The following MXI1 variants were observed in gnomAD, a reference collection of about 807,000 sequenced individuals.
The protein encoded by MXI1 is MAX interactor 1, dimerization protein.
MXI1 carries 18 observed loss-of-function variants against 36.9 expected under a neutral mutation model. The observed-to-expected ratio is 0.49, with a 90% confidence interval of 0.34 to 0.72. The LOEUF is 0.72. Ranked by LOEUF, MXI1 falls within the 30% of genes least tolerant of loss-of-function variation. MXI1 has a pLI of 0.01. For missense variants in MXI1, 304 were observed against 379.1 expected (o/e 0.80, Z 1.64); for synonymous variants, 160 against 146.7 (o/e 1.09, Z -0.65).
intron 1 of MXI1, chr10:110,208,345 G>T (rs1854414150): frequency 2.9e-6 from 1 of 342,276 alleles, no homozygotes; most frequent in Non-Finnish European, 5.4e-6. Flanking sequence ...GGATGGCCCA[G>T]CGGAGGAGCG....
chr10:110,207,868 C>T lies in MXI1; in HGVS notation c.60C>T (p.Pro20=). Residue 20 remains proline, a synonymous_variant, in exon 1 of 6, where the codon CCC becomes CCT. Transcript: ENST00000332674. ...EARCEGAGLA[P]AAPPAVPPAV... ...GCTGCGAGGGCGCGGGGCTGGCCCC[C>T]GCCGCGCCCCCGGCTGTGCCCCCCG... The T allele has an allele frequency of 8.3e-7, 1 of 1,207,154 alleles. No individual in the cohort carries two copies. The highest frequency in any genetic ancestry group is 1.0e-6 in the Non-Finnish European group (1 of 970,498). The allele number at this position is 1,207,154 out of a possible 1,614,324, so 74.8% of individuals were successfully genotyped here.
intron 5 of MXI1, among the ~76,000 whole-genome samples, chr10:110,283,281 A>T (rs1227584541): frequency 6.3e-5 from 8 of 127,298 alleles, no homozygotes; most frequent in Admixed American, 1.7e-4. Context: ...TTTTTTTTTG[A>T]GAGAGAGTGT....
At chr10:110,240,823 A>G (rs2134384883) in intron 2 of MXI1, among the ~76,000 whole-genome samples, 1 of 152,162 alleles carries the variant, frequency 6.6e-6, no homozygotes, top group Non-Finnish European at 1.5e-5. Flanking sequence ...TTAGGATTAG[A>G]AAGTAAGTTA....
At chr10:110,255,133 CTTGAAG>C (rs997034978) in intron 3 of MXI1, among the ~76,000 whole-genome samples, 4 of 152,156 alleles carry the variant, frequency 2.6e-5, no homozygotes, top group African/African-American at 9.7e-5. Flanking sequence ...TAGCTGGTGA[CTTGAAG>C]TTGAAGCCAG....
At chr10:110,211,354 G>A (rs376664940) in intron 1 of MXI1, among the ~76,000 whole-genome samples, 1 of 152,206 alleles carries the variant, frequency 6.6e-6, no homozygotes. Flanking sequence ...TGGGTGGGGG[G>A]TGGAGCCAGG....
At chr10:110,271,946 CCT>C (rs1312140323) in intron 3 of MXI1, among the ~76,000 whole-genome samples, 1 of 152,168 alleles carries the variant, frequency 6.6e-6, no homozygotes. Context: ...ATCTCCCTTT[CCT>C]CTCTCTTCCA....
intron 1 of MXI1, among the ~76,000 whole-genome samples, chr10:110,223,343 G>T (rs1157999050): frequency 6.6e-6 from 1 of 152,172 alleles, no homozygotes; most frequent in Non-Finnish European, 1.5e-5. Context: ...GGACACTTTG[G>T]GAGGCTGAGG....
intron 2 of MXI1, among the ~76,000 whole-genome samples, chr10:110,242,473 C>T (rs1855704989): frequency 6.6e-6 from 1 of 151,938 alleles, no homozygotes; most frequent in Non-Finnish European, 1.5e-5. Flanking sequence ...AACATGGCAA[C>T]ATGGTAATGA....
At chr10:110,230,063 C>T (rs962664747) in intron 2 of MXI1, among the ~76,000 whole-genome samples, 1 of 152,132 alleles carries the variant, frequency 6.6e-6, no homozygotes, top group African/African-American at 2.4e-5. Context: ...TTCTATGACT[C>T]TGATTTATTG....
intron 2 of MXI1, among the ~76,000 whole-genome samples, chr10:110,244,208 C>T (rs775711699): frequency 6.6e-6 from 1 of 152,044 alleles, no homozygotes; most frequent in African/African-American, 2.4e-5. Flanking sequence ...ATAACCATTG[C>T]TAACATTTCG....
chr10:110,236,991 A>C (rs1855498771), intron 2 of MXI1, among the ~76,000 whole-genome samples: 1 of 152,250 alleles, frequency 6.6e-6, no homozygotes, highest in Non-Finnish European at 1.5e-5. Context: ...TGGGTCATAC[A>C]CATACTTTAT....
intron 2 of MXI1, among the ~76,000 whole-genome samples, chr10:110,243,119 A>G (rs1238089778): frequency 6.6e-6 from 1 of 151,188 alleles, no homozygotes; most frequent in Non-Finnish European, 1.5e-5. Flanking sequence ...TCAAACAAAG[A>G]TTAACAAAAT....
At chr10:110,239,262 G>GTGT (rs1274236438) in intron 2 of MXI1, among the ~76,000 whole-genome samples, 6 of 152,162 alleles carry the variant, frequency 3.9e-5, no homozygotes, top group Admixed American at 2.0e-4. Flanking sequence ...ATTGTCAGAT[G>GTGT]TGTTGGTGGG....
chr10:110,220,989 GA>G, intron 1 of MXI1, among the ~76,000 whole-genome samples: 1 of 152,310 alleles, frequency 6.6e-6, no homozygotes, highest in East Asian at 1.9e-4. Flanking sequence ...TTCTAATGAA[GA>G]AAACTACTTC....
intron 5 of MXI1, among the ~76,000 whole-genome samples, chr10:110,282,485 G>A (rs1857290264): frequency 6.6e-6 from 1 of 152,156 alleles, no homozygotes. Flanking sequence ...GTGAAATATA[G>A]CAGAAATAAC....
rs33972208 is a variant in MXI1 at position 110,211,073 on chromosome 10, CTTT to C, written c.274+3006_274+3008del. On this transcript the variant is annotated intron_variant, in intron 1 of 5. Transcript: ENST00000332674. Reference sequence around the variant, plus strand: ...GGGTTGGGTAGTTTGTTGTGTACGTCTTTTTTTTTTTTTTTTTCGGTCACTACT... The same window carrying C: ...GGGTTGGGTAGTTTGTTGTGTACGTCTTTTTTTTTTTTTTCGGTCACTACT... Among the ~76,000 whole-genome samples, 1,027 of 131,308 alleles carry C rather than the reference CTTT, an allele frequency of 7.8e-3. 8 individuals carry two copies. The highest frequency in any genetic ancestry group is 0.027 in the African/African-American group (964 of 35,956). The allele number at this position is 131,308 out of a possible 152,430, so 86.1% of individuals were successfully genotyped here. A position where few individuals can be genotyped will look rare whatever the true frequency, so the allele number is the denominator to read the frequency against.
chr10:110,211,784 A>C (rs1854522818), intron 1 of MXI1, among the ~76,000 whole-genome samples: 1 of 152,242 alleles, frequency 6.6e-6, no homozygotes, highest in Admixed American at 6.5e-5. Context: ...AGGCAGGTAC[A>C]TTCTCCCAAA....
chr10:110,285,519 TTTA>T lies in MXI1; in HGVS notation c.*541_*543del, dbSNP rs142468596. ...CATGAAGCCTGTGGATGATCAATCC[TTTA>T]TTATTATTTTTTTTTTTTGAAAAAA... On this transcript the variant is annotated 3_prime_UTR_variant, in exon 6 of 6. Transcript: ENST00000332674. 2.9e-5 allele frequency: 4 copies of T among 137,746 alleles called. No homozygotes were observed. Among genetic ancestry groups the T allele is most frequent in the African/African-American group, 7.4e-5 (3 of 40,532 alleles). 8.5% of individuals were successfully genotyped at this position (137,746 alleles called of 1,614,324 possible).
At chr10:110,222,458 A>G (rs1854840728) in intron 1 of MXI1, among the ~76,000 whole-genome samples, 1 of 152,228 alleles carries the variant, frequency 6.6e-6, no homozygotes, top group African/African-American at 2.4e-5. Context: ...GCAATAAATC[A>G]CTTGGAAATT....
Sources: allele counts gnomAD v4.1 joint callset (sites outside exome capture counted in the v4.1 genomes callset), GRCh38; gene constraint gnomAD v4.1.1; transcripts MANE v1.5; gene names NCBI Gene and HGNC (gene_info 2026-07-23, HGNC 2026-07-21).